Variants in LAMA2 observed in about 807,000 individuals in gnomAD.
LAMA2 encodes laminin subunit alpha 2.
In LAMA2, 269 loss-of-function variants were observed where a neutral mutation model predicts 364.8. That is an observed-to-expected ratio of 0.74 (90% CI 0.67 to 0.82). LAMA2 has a LOEUF of 0.82. Ranked by LOEUF, LAMA2 falls within the 40% of genes least tolerant of loss-of-function variation. The pLI, the probability that LAMA2 is intolerant of heterozygous loss-of-function variation, is 0.00. For missense variants in LAMA2, 3,807 were observed against 3,873.2 expected (o/e 0.98, Z 0.45); for synonymous variants, 1,379 against 1,370.6 (o/e 1.01, Z -0.14).
At chr6:129,489,901 A>G (rs529121542) in intron 56 of LAMA2, among the ~76,000 whole-genome samples, 2 of 148,256 alleles carry the variant, frequency 1.3e-5, no homozygotes, top group Non-Finnish European at 3.0e-5. Context: ...AGTAATTATG[A>G]AACTCTAAGA....
At chr6:128,942,320 C>T (rs1296437525) in intron 1 of LAMA2, among the ~76,000 whole-genome samples, 1 of 151,898 alleles carries the variant, frequency 6.6e-6, no homozygotes, top group Non-Finnish European at 1.5e-5. Context: ...AACAGTACAT[C>T]ACCAGATCAT....
chr6:129,220,503 T>C lies in LAMA2; in HGVS notation c.1782+27650T>C, dbSNP rs181681252. On this transcript the variant is annotated intron_variant, in intron 12 of 64. Transcript: ENST00000421865. The stretch of plus-strand genomic sequence containing the variant: ...AGAAAGTTTCTATCAGTATATGATT[T>C]GTAGCTCAAATTATTGTTGGTCTAT... Among the ~76,000 whole-genome samples the C allele has an allele frequency of 3.9e-5, 6 of 152,382 alleles. No individual in the cohort carries two copies. The East Asian group carries it at 1.2e-3, about 29-fold the overall frequency.
intron 1 of LAMA2, among the ~76,000 whole-genome samples, chr6:129,027,610 G>A (rs535585257): frequency 1.3e-4 from 20 of 151,972 alleles, no homozygotes; most frequent in Non-Finnish European, 2.9e-4. Flanking sequence ...TAATGTTAAA[G>A]ATATGGGCCA....
intron 40 of LAMA2, among the ~76,000 whole-genome samples, chr6:129,425,250 T>G (rs911024059): frequency 6.6e-6 from 1 of 151,998 alleles, no homozygotes; most frequent in African/African-American, 2.4e-5. Flanking sequence ...GCATGGTTTA[T>G]TTATGCCAGT....
At chr6:129,303,664 A>G (rs1773683539) in intron 22 of LAMA2, among the ~76,000 whole-genome samples, 1 of 152,206 alleles carries the variant, frequency 6.6e-6, no homozygotes, top group Non-Finnish European at 1.5e-5. Flanking sequence ...ATCTATTGAG[A>G]TGACCATATG....
chr6:129,488,220 G>A lies in LAMA2; in HGVS notation c.7898+1598G>A, dbSNP rs530402827. 7.9e-5 allele frequency among the ~76,000 whole-genome samples: 12 copies of A among 152,288 alleles called. No homozygotes were observed. In the East Asian group the frequency reaches 2.3e-3, roughly 29 times the overall value. ...AGCTACTCTGGAGGCTGAGGCAGGAGAAATGCTTAAACCAGGGGGACAGAG... is the reference window on the plus strand; with the variant it reads ...AGCTACTCTGGAGGCTGAGGCAGGAAAAATGCTTAAACCAGGGGGACAGAG... On this transcript the variant is annotated intron_variant, in intron 56 of 64. Transcript: ENST00000421865.
intron 18 of LAMA2, among the ~76,000 whole-genome samples, chr6:129,281,816 A>G (rs764654252): frequency 2.0e-5 from 3 of 152,194 alleles, no homozygotes; most frequent in Admixed American, 6.5e-5. Flanking sequence ...AAGTTTTTCC[A>G]CAGTTGATAC....
chr6:129,361,756 G>C (rs1021573622), intron 32 of LAMA2, among the ~76,000 whole-genome samples: 1 of 151,174 alleles, frequency 6.6e-6, no homozygotes, highest in African/African-American at 2.4e-5. Context: ...TTAATGTGAG[G>C]TGTGGCAAAG....
At chr6:129,411,678 A>C (rs1253013467) in intron 40 of LAMA2, among the ~76,000 whole-genome samples, 1 of 152,190 alleles carries the variant, frequency 6.6e-6, no homozygotes, top group African/African-American at 2.4e-5. Context: ...GTGAGGAGGA[A>C]ACACGCTGAT....
At chr6:128,930,077 G>A in intron 1 of LAMA2, 1 of 348,114 alleles carries the variant, frequency 2.9e-6, no homozygotes, top group Non-Finnish European at 5.2e-6. Context: ...CCGGCAGCGG[G>A]GTCTCAATCA....
intron 4 of LAMA2, among the ~76,000 whole-genome samples, chr6:129,142,392 C>T (rs532512857): frequency 7.9e-5 from 12 of 152,134 alleles, no homozygotes; most frequent in South Asian, 2.1e-4. Context: ...AGAGAGCTAG[C>T]TAGCTCTCTG....
chr6:128,894,988 G>T (rs990621238), intron 1 of LAMA2, among the ~76,000 whole-genome samples: 5 of 152,034 alleles, frequency 3.3e-5, no homozygotes, highest in African/African-American at 9.7e-5. Flanking sequence ...AGCTCTACAG[G>T]GTTGGACTAC....
intron 20 of LAMA2, among the ~76,000 whole-genome samples, chr6:129,293,317 T>C (rs1402528194): frequency 2.0e-5 from 3 of 152,224 alleles, no homozygotes; most frequent in Admixed American, 2.0e-4. Context: ...ACCATGAATA[T>C]GTGGAAATCA....
intron 58 of LAMA2, 107 bp from the exon 59 acceptor site, chr6:129,502,552 T>C: frequency 1.3e-6 from 1 of 774,776 alleles, no homozygotes; most frequent in South Asian, 1.4e-5. Flanking sequence ...ATGTAGTTTT[T>C]ATTCTTAAAG....
intron 12 of LAMA2, among the ~76,000 whole-genome samples, chr6:129,249,652 G>A (rs1229411406): frequency 6.6e-6 from 1 of 152,096 alleles, no homozygotes; most frequent in African/African-American, 2.4e-5. Context: ...CTTAGTGTAT[G>A]GGCTATGTAA....
At chr6:129,204,662 T>TTTATACA (rs1397669777) in intron 12 of LAMA2, among the ~76,000 whole-genome samples, 1 of 152,168 alleles carries the variant, frequency 6.6e-6, no homozygotes, top group African/African-American at 2.4e-5. Context: ...TGTGAAACAA[T>TTTATACA]ACATTTCTGT....
At chr6:129,048,122 T>C (rs769979048) in intron 1 of LAMA2, among the ~76,000 whole-genome samples, 1 of 152,228 alleles carries the variant, frequency 6.6e-6, no homozygotes, top group Admixed American at 6.5e-5. Flanking sequence ...GTAGGAACAG[T>C]GTCTGACAAT....
At chr6:129,029,571 TA>T (rs200711461) in intron 1 of LAMA2, among the ~76,000 whole-genome samples, 7 of 151,724 alleles carry the variant, frequency 4.6e-5, no homozygotes, top group African/African-American at 1.4e-4. Context: ...TGAGAAATGC[TA>T]AAAAAAATTA....
intron 10 of LAMA2, among the ~76,000 whole-genome samples, chr6:129,181,497 T>C (rs935968761): frequency 6.6e-6 from 1 of 151,830 alleles, no homozygotes; most frequent in Non-Finnish European, 1.5e-5. Context: ...TATATTAAAA[T>C]TCAAAAGTAA....
Sources: allele counts gnomAD v4.1 joint callset (sites outside exome capture counted in the v4.1 genomes callset), GRCh38; gene constraint gnomAD v4.1.1; transcripts MANE v1.5; gene names NCBI Gene and HGNC (gene_info 2026-07-23, HGNC 2026-07-21).